ARFGAP2: variants seen among roughly 807,000 people sequenced by gnomAD.
ARFGAP2 encodes the protein ARF GTPase activating protein 2, also known as ADP-ribosylation factor GTPase-activating protein 2.
Under a neutral mutation model 71.9 loss-of-function variants are expected in ARFGAP2, and 45 were observed. That is an observed-to-expected ratio of 0.63 (90% CI 0.49 to 0.80). The LOEUF (loss-of-function observed/expected upper bound fraction) is 0.80, where lower values mean the gene tolerates loss of function less well. ARFGAP2 is among the 30% of genes least tolerant of loss of function. The pLI is 0.00. For missense variants in ARFGAP2, 633 were observed against 673.9 expected (o/e 0.94, Z 0.67); for synonymous variants, 248 against 249.2 (o/e 1.00, Z 0.05).
intron 12 of ARFGAP2, 56 bp downstream of exon 12, chr11:47,167,853 C>T: frequency 6.6e-7 from 1 of 1,506,794 alleles, no homozygotes; most frequent in South Asian, 1.3e-5. Context: ...AATTCTCTAC[C>T]TTCAGCTTGT....
chr11:47,168,309 A>C, intron 10 of ARFGAP2, 58 bp from the exon 11 acceptor site: 1 of 1,605,592 alleles, frequency 6.2e-7, no homozygotes, highest in Non-Finnish European at 8.5e-7. Context: ...GCATCACCGC[A>C]CAAGAGACAA....
intron 7 of ARFGAP2, 112 bp from the exon 8 acceptor site, chr11:47,172,445 G>T: frequency 2.2e-6 from 3 of 1,342,604 alleles, no homozygotes; most frequent in Non-Finnish European, 3.2e-6. Context: ...CTTCAGGCAA[G>T]GGAAGGCAAA....
intron 3 of ARFGAP2, 146 bp from the exon 4 acceptor site, chr11:47,175,459 A>G: frequency 4.6e-6 from 6 of 1,306,370 alleles, no homozygotes; most frequent in Non-Finnish European, 6.5e-6. Flanking sequence ...TTCAGAGATA[A>G]AGTTTCTCGA....
chr11:47,172,758 G>A (rs1334788966), intron 7 of ARFGAP2: 5 of 1,292,642 alleles, frequency 3.9e-6, no homozygotes, highest in African/African-American at 3.0e-5. Context: ...GACTCTGGAG[G>A]AGAAACAGAC....
chr11:47,174,787 G>A (rs1017239615), intron 5 of ARFGAP2: 36 of 522,432 alleles, frequency 6.9e-5, no homozygotes, highest in African/African-American at 4.2e-4. Flanking sequence ...TCTCTTCCCC[G>A]CCAGCCCAAT....
Position 47,176,808 on chromosome 11 carries a change from T to C in ARFGAP2, c.46A>G (p.Arg16Gly), listed in dbSNP as rs1952853752. Reference sequence around the variant, plus strand: ...TTGTTGGTTGGAACTGCGCGAAGCCTCTTAAAAAGAGTCTGGATTTCGGTC... The same window carrying C: ...TTGTTGGTTGGAACTGCGCGAAGCCCCTTAAAAAGAGTCTGGATTTCGGTC... ...NKTEIQTLFK[R>G]LRAVPTNKAC... The change falls in exon 1 of 16, where the codon AGG becomes GGG. Residue 16 changes from arginine to glycine, a missense_variant. Coordinates refer to ENST00000524782, the MANE Select transcript of ARFGAP2 (RefSeq NM_032389.6). 6.2e-7 allele frequency: 1 copy of C among 1,613,936 alleles called. No homozygotes were observed. The highest frequency in any genetic ancestry group is 1.7e-5 in the Admixed American group (1 of 60,006).
chr11:47,165,921 G>A (rs1952353360), intron 15 of ARFGAP2, among the ~76,000 whole-genome samples: 1 of 152,044 alleles, frequency 6.6e-6, no homozygotes, highest in African/African-American at 2.4e-5. Context: ...CACCCAGACT[G>A]GAGTGCAGTG....
chr11:47,169,885 T>C (rs1364414215), intron 10 of ARFGAP2, among the ~76,000 whole-genome samples: 3 of 152,178 alleles, frequency 2.0e-5, no homozygotes, highest in East Asian at 3.9e-4. Flanking sequence ...GCTAAAAAAC[T>C]GTTCATATGC....
intron 10 of ARFGAP2, 30 bp from the exon 11 acceptor site, chr11:47,168,281 A>G: frequency 6.2e-7 from 1 of 1,613,166 alleles, no homozygotes; most frequent in Non-Finnish European, 8.5e-7. Flanking sequence ...CAGGCATGAG[A>G]CCAAAGGATA....
chr11:47,168,151 C>T lies in ARFGAP2; in HGVS notation c.1042G>A (p.Val348Ile). 2 of 1,614,258 alleles carry T rather than the reference C, an allele frequency of 1.2e-6. No homozygotes were observed. The highest frequency in any genetic ancestry group is 1.1e-5 in the South Asian group (1 of 91,086). The stretch of plus-strand genomic sequence containing the variant: ...GGGGGTCCAGAGGCGAAAGTACCAA[C>T]ATCGTCAAACAAGTCCAGCTGCGAG... ...SRSQLDLFDD[V>I]GTFASGPPKY... Residue 348 changes from valine to isoleucine, a missense_variant, in exon 11 of 16, where the codon GTT (valine) becomes ATT (isoleucine). Coordinates refer to ENST00000524782, the MANE Select transcript of ARFGAP2 (RefSeq NM_032389.6).
Position 47,176,553 on chromosome 11 carries a change from C to G in ARFGAP2, c.154G>C (p.Val52Leu). 6.2e-7 allele frequency: 1 copy of G among 1,613,880 alleles called. No homozygotes were observed. Among genetic ancestry groups the G allele is most frequent in the Non-Finnish European group, 8.5e-7 (1 of 1,180,030 alleles). The change falls in exon 2 of 16, where the codon GTG (valine) becomes CTG (leucine). Residue 52 changes from valine to leucine, a missense_variant. Coordinates refer to ENST00000524782, the MANE Select transcript of ARFGAP2 (RefSeq NM_032389.6). Reference protein sequence around the residue: ...GVFLCIDCSGVHRSLGVHLSF... With the variant: ...GVFLCIDCSGLHRSLGVHLSF... ...AGATGGACGCCCAGGGAGCGGTGCA[C>G]CCCGGAACAGTCAATGCACAAGAAA...
intron 10 of ARFGAP2, among the ~76,000 whole-genome samples, chr11:47,168,885 C>T (rs1003648612): frequency 3.9e-5 from 6 of 152,046 alleles, no homozygotes; most frequent in African/African-American, 1.4e-4. Flanking sequence ...CAACTCCCTA[C>T]CTTGTGCACT....
chr11:47,172,691 C>G lies in ARFGAP2; in HGVS notation c.620-358G>C, dbSNP rs1034483508. 2.3e-6 allele frequency: 3 copies of G among 1,308,814 alleles called. No individual in the cohort carries two copies. The African/African-American group carries it at 4.5e-5, about 20-fold the overall frequency. 81.1% of individuals were successfully genotyped at this position (1,308,814 alleles called of 1,614,324 possible). On this transcript the variant is annotated intron_variant, in intron 7 of 15. Coordinates refer to ENST00000524782, the MANE Select transcript of ARFGAP2 (RefSeq NM_032389.6). ...AAGCTGAGAACAGGGGCTGGGCTCC[C>G]CAAGCAGCTGTCAGTTACCTCTGGC...
At chr11:47,169,129 T>C (rs899401029) in intron 10 of ARFGAP2, among the ~76,000 whole-genome samples, 1 of 151,044 alleles carries the variant, frequency 6.6e-6, no homozygotes, top group South Asian at 2.1e-4. Flanking sequence ...CTGGCTAACA[T>C]GGTGAAACCC....
chr11:47,173,828 C>T lies in ARFGAP2; in HGVS notation c.493G>A (p.Asp165Asn). 1 of 1,600,440 alleles carries T rather than the reference C, an allele frequency of 6.2e-7. No homozygotes were observed. Among genetic ancestry groups the T allele is most frequent in the Non-Finnish European group, 8.5e-7 (1 of 1,174,002 alleles). Residue 165 changes from aspartate to asparagine, a missense_variant, in exon 6 of 16, where the codon GAT becomes AAT. By Grantham distance (23) the Asp-to-Asn change is conservative. Coordinates refer to ENST00000524782, the MANE Select transcript of ARFGAP2 (RefSeq NM_032389.6). ...CCTGAAGGCTCAGTGGCTGGCGCAT[C>T]CCAGGCAGGGGGCTGAAAAGGAGGC... ...FTEHTQPPAWDAPATEPSGTQ... is the reference protein window; with the variant it reads ...FTEHTQPPAWNAPATEPSGTQ...
chr11:47,171,906 AT>A, intron 8 of ARFGAP2, 106 bp from the exon 9 acceptor site: 1 of 1,489,878 alleles, frequency 6.7e-7, no homozygotes, highest in Non-Finnish European at 9.0e-7. Context: ...CCTTCTTAAA[AT>A]TTAGGGTAAA....
intron 14 of ARFGAP2, 51 bp downstream of exon 14, chr11:47,166,455 C>T (rs765232973): frequency 1.1e-5 from 17 of 1,609,990 alleles, no homozygotes; most frequent in Middle Eastern, 1.6e-4. Flanking sequence ...AGGGCCCTCC[C>T]GCCCTGCTCC....
Position 47,171,994 on chromosome 11 carries a change from G to A in ARFGAP2, c.673-194C>T, listed in dbSNP as rs1001584978. The A allele has an allele frequency of 1.6e-5, 14 of 873,750 alleles. No homozygotes were observed. In the African/African-American group the frequency reaches 2.0e-4, roughly 13 times the overall value. The allele number at this position is 873,750 out of a possible 1,614,324, so 54.1% of individuals were successfully genotyped here. ...GGCATGGGCGGCTCACACAGCCCCA[G>A]CAGAGCCCGGGCCTGAGGACGGCAG... On this transcript the variant is annotated intron_variant, in intron 8 of 15. Transcript: ENST00000524782.
chr11:47,176,692 G>T (rs1952844935), intron 1 of ARFGAP2, 58 bp from the exon 2 acceptor site: 1 of 1,610,250 alleles, frequency 6.2e-7, no homozygotes, highest in South Asian at 1.1e-5. Context: ...GCCAGGCACC[G>T]ACACCCCAGA....
Sources: gnomAD v4.1 joint callset for allele counts (sites outside exome capture counted in the v4.1 genomes callset) on GRCh38, gnomAD v4.1.1 for gene constraint, MANE v1.5 for transcripts, NCBI Gene and HGNC (gene_info 2026-07-23, HGNC 2026-07-21) for gene names.